The following AQP7 variants were observed in gnomAD, a reference collection of about 807,000 sequenced individuals.
AQP7 encodes the protein aquaporin-7.
A neutral mutation model predicts 26.1 loss-of-function variants in AQP7; 22 were observed. The observed-to-expected ratio is 0.84, with a 90% CI of 0.60 to 1.20. The LOEUF (loss-of-function observed/expected upper bound fraction) is 1.20. Among genes scored for constraint, AQP7 ranks in the 50% most tolerant of loss-of-function variants. The pLI is 0.00. For missense variants in AQP7, 412 were observed against 457.5 expected (o/e 0.90, Z 0.91); for synonymous variants, 167 against 181.7 (o/e 0.92, Z 0.65).
intron 7 of AQP7, 159 bp downstream of exon 7, chr9:33,385,490 T>C: frequency 9.6e-7 from 1 of 1,040,082 alleles, no homozygotes; most frequent in South Asian, 1.5e-5. Context: ...TCTGTATCTG[T>C]ACTGGCCTGG....
intron 3 of AQP7, among the ~76,000 whole-genome samples, chr9:33,390,027 CAAAA>C (rs778333672): frequency 1.3e-5 from 1 of 78,606 alleles, no homozygotes; most frequent in Non-Finnish European, 2.6e-5. Flanking sequence ...GACTCCGTCT[CAAAA>C]AAAAAAAAAA....
Position 33,385,884 on chromosome 9 carries a change from T to A in AQP7, c.526-18A>T. ...AGCCACGCCTGAGGAGCAGATGCTGTGGCAGCTCACCTGGGCCCCTCCCCA... is the reference window on the plus strand; with the variant it reads ...AGCCACGCCTGAGGAGCAGATGCTGAGGCAGCTCACCTGGGCCCCTCCCCA... On this transcript the variant is annotated intron_variant, in intron 6 of 7. Transcript: ENST00000297988. The A allele has an allele frequency of 6.3e-7, 1 of 1,597,268 alleles. No homozygotes were observed. The highest frequency in any genetic ancestry group is 8.6e-7 in the Non-Finnish European group (1 of 1,169,338).
chr9:33,385,929 T>C (rs2118770293), intron 6 of AQP7, 63 bp from the exon 7 acceptor site: 2 of 1,567,154 alleles, frequency 1.3e-6, no homozygotes, highest in East Asian at 4.5e-5. Context: ...ACCTCGGCAG[T>C]GCCCCAGACC....
chr9:33,393,277 C>A (rs1201882442), intron 3 of AQP7, among the ~76,000 whole-genome samples: 1 of 152,152 alleles, frequency 6.6e-6, no homozygotes. Flanking sequence ...TGTGGATAGT[C>A]GCACAGCTAG....
chr9:33,385,456 T>A, intron 7 of AQP7, 166 bp from the exon 8 acceptor site: 1 of 996,990 alleles, frequency 1.0e-6, no homozygotes, highest in Middle Eastern at 3.3e-4. Context: ...AGGGACAGCG[T>A]TGACACTCAG....
chr9:33,386,319 C>G, intron 5 of AQP7, 85 bp downstream of exon 5: 1 of 1,593,442 alleles, frequency 6.3e-7, no homozygotes, highest in Non-Finnish European at 8.6e-7. Flanking sequence ...CTATTTTTTA[C>G]AAATCAGGAC....
chr9:33,387,016 A>G lies in AQP7; in HGVS notation c.221T>C (p.Phe74Ser). 6.2e-7 allele frequency: 1 copy of G among 1,612,034 alleles called. No individual in the cohort carries two copies. The highest frequency in any genetic ancestry group is 1.1e-5 in the South Asian group (1 of 90,984). Residue 74 changes from phenylalanine to serine, a missense_variant, in exon 4 of 8, where the codon TTT becomes TCT. Transcript: ENST00000297988. ...CACTCCCATGGTGACTCCGAAGCCA[A>G]AACCCAAGTTGACACCAAGGTAGCT... ...YGSYLGVNLGFGFGVTMGVHV... is the reference protein window; with the variant it reads ...YGSYLGVNLGSGFGVTMGVHV...
chr9:33,399,990 C>A (rs935188805), intron 2 of AQP7, among the ~76,000 whole-genome samples: 1 of 152,112 alleles, frequency 6.6e-6, no homozygotes, highest in Non-Finnish European at 1.5e-5. Flanking sequence ...GGACCCCTGA[C>A]TGAGCCAAGA....
At chr9:33,398,649 A>G (rs551749467) in intron 2 of AQP7, among the ~76,000 whole-genome samples, 2 of 152,182 alleles carry the variant, frequency 1.3e-5, no homozygotes, top group Non-Finnish European at 2.9e-5. Context: ...CTGTGGGAGA[A>G]TGGACAAGGA....
At chr9:33,390,027 CAAAAAAAAAA>C (rs778333672) in intron 3 of AQP7, among the ~76,000 whole-genome samples, 1 of 78,628 alleles carries the variant, frequency 1.3e-5, no homozygotes. Flanking sequence ...GACTCCGTCT[CAAAAAAAAAA>C]AAAAAAAAAG....
chr9:33,386,280 G>A, intron 5 of AQP7, 85 bp from the exon 6 acceptor site: 2 of 1,601,126 alleles, frequency 1.2e-6, no homozygotes, highest in Non-Finnish European at 1.7e-6. Flanking sequence ...GTTAGAGGGT[G>A]GGGGATCTCC....
intron 3 of AQP7, among the ~76,000 whole-genome samples, chr9:33,394,455 A>G (rs1186801483): frequency 1.4e-5 from 2 of 145,656 alleles, no homozygotes; most frequent in African/African-American, 5.1e-5. Context: ...TCAGAGCCCG[A>G]TCATCAAGTT....
rs1824576630 is a variant in AQP7 at position 33,384,676 on chromosome 9, A to G, written c.*329T>C. 2 of 221,086 alleles carry G rather than the reference A, an allele frequency of 9.0e-6. No homozygotes were observed. The highest frequency in any genetic ancestry group is 1.1e-4 in the Admixed American group (2 of 18,506). 13.7% of individuals were successfully genotyped at this position (221,086 alleles called of 1,614,324 possible). On this transcript the variant is annotated 3_prime_UTR_variant, in exon 8 of 8. Coordinates refer to ENST00000297988, the MANE Select transcript of AQP7 (RefSeq NM_001170.3). ...AAAGTATTTCCAAAGCCGGCCCCCAACCAGTCAGCTACGGTCTGTTCCCCA... is the reference window on the plus strand; with the variant it reads ...AAAGTATTTCCAAAGCCGGCCCCCAGCCAGTCAGCTACGGTCTGTTCCCCA...
chr9:33,385,645 G>T lies in AQP7; in HGVS notation c.743+4C>A. 6.2e-7 allele frequency: 1 copy of T among 1,613,274 alleles called. No individual in the cohort carries two copies. Among genetic ancestry groups the T allele is most frequent in the East Asian group, 2.2e-5 (1 of 44,878 alleles). On this transcript the variant is annotated splice_donor_region_variant and intron_variant, in intron 7 of 7. Transcript: ENST00000297988. ...AAAGGAATGGGCCTGGGCAGGGGCAGTACCTGAAGACCTGTTTGCCCCAAC... is the reference window on the plus strand; with the variant it reads ...AAAGGAATGGGCCTGGGCAGGGGCATTACCTGAAGACCTGTTTGCCCCAAC...
chr9:33,386,206 A>C lies in AQP7; in HGVS notation c.407-11T>G. On this transcript the variant is annotated splice_polypyrimidine_tract_variant and intron_variant, in intron 5 of 7. Transcript: ENST00000297988. The stretch of plus-strand genomic sequence containing the variant: ...AGTGGAGAATGGCCGCTGCGGAGAC[A>C]CAGACTGTCATGCGAACCTGCTCCC... 6.2e-7 allele frequency: 1 copy of C among 1,613,970 alleles called. No individual in the cohort carries two copies. The highest frequency in any genetic ancestry group is 8.5e-7 in the Non-Finnish European group (1 of 1,179,834).
intron 3 of AQP7, among the ~76,000 whole-genome samples, chr9:33,387,535 AACAC>A (rs368909443): frequency 8.0e-5 from 12 of 150,178 alleles, no homozygotes; most frequent in Admixed American, 2.7e-4. Flanking sequence ...TCCCTGCACA[AACAC>A]ACACACACAC....
intron 3 of AQP7, among the ~76,000 whole-genome samples, chr9:33,392,083 G>A (rs1352149871): frequency 2.0e-5 from 3 of 152,178 alleles, no homozygotes; most frequent in Admixed American, 2.0e-4. Context: ...GGAGGCCGAG[G>A]TGGGAGGATC....
At chr9:33,395,365 C>T (rs1825771970) in intron 2 of AQP7, 170 bp from the exon 3 acceptor site, 2 of 630,262 alleles carry the variant, frequency 3.2e-6, no homozygotes, top group East Asian at 2.8e-5. Flanking sequence ...ACTTGAGAGC[C>T]ACGGGGACAT....
At chr9:33,392,640 G>A (rs1825513715) in intron 3 of AQP7, among the ~76,000 whole-genome samples, 1 of 152,140 alleles carries the variant, frequency 6.6e-6, no homozygotes, top group South Asian at 2.1e-4. Flanking sequence ...AGGTTCCAAG[G>A]GTTAACAGCC....
Sources: allele counts gnomAD v4.1 joint callset (sites outside exome capture counted in the v4.1 genomes callset), GRCh38; gene constraint gnomAD v4.1.1; transcripts MANE v1.5; gene names NCBI Gene and HGNC (gene_info 2026-07-23, HGNC 2026-07-21).